The following AFF3 variants were observed in gnomAD, a reference collection of about 807,000 sequenced individuals.
AFF3 encodes ALF transcription elongation factor 3, also known as AF4/FMR2 family member 3.
A neutral mutation model predicts 129.7 loss-of-function variants in AFF3; 32 were observed. That is an observed-to-expected ratio of 0.25 (90% confidence interval 0.19 to 0.33). The LOEUF is 0.33. AFF3 is among the 10% of genes least tolerant of loss of function. The probability of loss-of-function intolerance (pLI) is 1.00; values close to 1 mark genes in which losing one functional copy is unlikely to be tolerated. For missense variants in AFF3, 1,373 were observed against 1,592.0 expected (o/e 0.86, Z 2.34); for synonymous variants, 644 against 635.4 (o/e 1.01, Z -0.20).
intron 7 of AFF3, among the ~76,000 whole-genome samples, chr2:99,932,192 T>A (rs546338679): frequency 6.6e-6 from 1 of 152,188 alleles, no homozygotes; most frequent in East Asian, 1.9e-4. Context: ...CTTAAAACAT[T>A]ATGAGATTTT....
At chr2:99,831,744 G>A (rs535119503) in intron 8 of AFF3, among the ~76,000 whole-genome samples, 3 of 152,272 alleles carry the variant, frequency 2.0e-5, no homozygotes, top group Non-Finnish European at 2.9e-5. Context: ...AAATGTGAAC[G>A]GACTATATGG....
intron 13 of AFF3, among the ~76,000 whole-genome samples, chr2:99,621,347 T>G (rs901076340): frequency 6.6e-6 from 1 of 152,228 alleles, no homozygotes; most frequent in Non-Finnish European, 1.5e-5. Context: ...TTGCTACCTC[T>G]AGGAGTCTAG....
chr2:99,952,653 TAAA>T (rs772191109), intron 7 of AFF3, among the ~76,000 whole-genome samples: 10 of 152,176 alleles, frequency 6.6e-5, no homozygotes, highest in South Asian at 2.1e-4. Flanking sequence ...AAAATTATAT[TAAA>T]AACTCATCTT....
chr2:99,872,504 AG>A (rs1356138212), intron 7 of AFF3, among the ~76,000 whole-genome samples: 1 of 152,012 alleles, frequency 6.6e-6, no homozygotes, highest in Admixed American at 6.6e-5. Context: ...GAGAAATCCT[AG>A]GTCTCATTTT....
At chr2:100,015,754 G>A (rs1682963160) in intron 4 of AFF3, among the ~76,000 whole-genome samples, 1 of 152,238 alleles carries the variant, frequency 6.6e-6, no homozygotes, top group Admixed American at 6.5e-5. Context: ...AGACAGAGAA[G>A]GTGAGGCTGA....
chr2:99,619,287 C>T (rs745394165), intron 13 of AFF3, among the ~76,000 whole-genome samples: 8 of 152,202 alleles, frequency 5.3e-5, no homozygotes, highest in Admixed American at 1.3e-4. Flanking sequence ...CCAAGGAATA[C>T]AAGACTTAAG....
At chr2:100,076,290 T>C (rs893649436) in intron 4 of AFF3, among the ~76,000 whole-genome samples, 10 of 152,186 alleles carry the variant, frequency 6.6e-5, no homozygotes, top group Admixed American at 5.9e-4. Flanking sequence ...CTTGAGATAG[T>C]AAGAGTAGGG....
chr2:99,724,477 T>G (rs1039455913), intron 11 of AFF3, among the ~76,000 whole-genome samples: 1 of 151,940 alleles, frequency 6.6e-6, no homozygotes, highest in Non-Finnish European at 1.5e-5. Context: ...TTCGCCATGT[T>G]GGCCAGGCTG....
chr2:99,880,462 A>G (rs1232782238), intron 7 of AFF3, among the ~76,000 whole-genome samples: 1 of 152,130 alleles, frequency 6.6e-6, no homozygotes, highest in East Asian at 1.9e-4. Flanking sequence ...TCACAAGTAA[A>G]GTTCTTTGGC....
chr2:99,707,520 G>A (rs929118542), intron 11 of AFF3: 1 of 985,214 alleles, frequency 1.0e-6, no homozygotes, highest in Non-Finnish European at 1.2e-6. Context: ...ATAAACTGAA[G>A]TTAGGTAGCC....
intron 11 of AFF3, chr2:99,707,749 G>A: frequency 4.2e-6 from 3 of 707,568 alleles, no homozygotes; most frequent in Non-Finnish European, 5.2e-6. Context: ...AAGAGTCTGT[G>A]AAGCAGACTT....
At chr2:99,966,067 AATT>A (rs1394105722) in intron 7 of AFF3, among the ~76,000 whole-genome samples, 2 of 152,184 alleles carry the variant, frequency 1.3e-5, no homozygotes, top group Non-Finnish European at 2.9e-5. Context: ...TAGACAATGA[AATT>A]ATTTTCTTCC....
intron 4 of AFF3, among the ~76,000 whole-genome samples, chr2:100,081,738 T>C (rs916156485): frequency 4.6e-5 from 7 of 152,200 alleles, no homozygotes; most frequent in Admixed American, 2.0e-4. Flanking sequence ...GGGTTGAGTG[T>C]AAGGTACTGT....
chr2:100,109,712 G>C (rs1169355913), intron 2 of AFF3: 1 of 152,208 alleles, frequency 6.6e-6, no homozygotes, highest in South Asian at 2.1e-4. Flanking sequence ...ACTGGGTGCT[G>C]TTCTAAAGTA....
chr2:99,990,486 A>T (rs1192163437), intron 7 of AFF3, among the ~76,000 whole-genome samples: 2 of 152,128 alleles, frequency 1.3e-5, no homozygotes, highest in Non-Finnish European at 2.9e-5. Flanking sequence ...ACAACTAAAA[A>T]TTTTTTATAT....
chr2:100,141,017 G>A (rs2105619550), intron 1 of AFF3, among the ~76,000 whole-genome samples: 1 of 152,088 alleles, frequency 6.6e-6, no homozygotes, highest in South Asian at 2.1e-4. Flanking sequence ...GATAACAGCT[G>A]CTAATACTTA....
chr2:99,632,002 C>T (rs544071986), intron 13 of AFF3, among the ~76,000 whole-genome samples: 413 of 144,432 alleles, frequency 2.9e-3, no homozygotes, highest in African/African-American at 0.01. Flanking sequence ...CACAACCTTG[C>T]CAACACTTTT....
At chr2:99,672,769 T>C (rs1040953043) in intron 11 of AFF3, among the ~76,000 whole-genome samples, 180 bp from the exon 12 acceptor site, 2 of 152,176 alleles carry the variant, frequency 1.3e-5, no homozygotes, top group African/African-American at 4.8e-5. Flanking sequence ...ACTTAGGAAA[T>C]AGTAGACAGC....
intron 4 of AFF3, among the ~76,000 whole-genome samples, chr2:100,041,851 G>A (rs111931104): frequency 0.022 from 3,278 of 152,178 alleles, 53 homozygotes; most frequent in Middle Eastern, 0.075. Context: ...AAGTACACAG[G>A]CTATTATTAC....
Sources: allele counts gnomAD v4.1 joint callset (sites outside exome capture counted in the v4.1 genomes callset), GRCh38; gene constraint gnomAD v4.1.1; transcripts MANE v1.5; gene names NCBI Gene and HGNC (gene_info 2026-07-23, HGNC 2026-07-21).